The following H2BC18 variants were observed in gnomAD, a reference collection of about 807,000 sequenced individuals.
H2BC18 encodes H2B clustered histone 18, also known as histone H2B type 2-F.
Under a neutral mutation model 6.3 loss-of-function variants are expected in H2BC18, and 8 were observed. That is an observed-to-expected ratio of 1.28 (90% confidence interval 0.75 to 2.31). The LOEUF (loss-of-function observed/expected upper bound fraction) is 2.31. Ranked by LOEUF, H2BC18 falls within the 30% of genes most tolerant of loss-of-function variation. The pLI is 0.00. For missense variants in H2BC18, 106 were observed against 174.5 expected, an observed-to-expected ratio of 0.61 and a Z score of 2.21; for synonymous variants, 104 against 78.1, an observed-to-expected ratio of 1.33 and a Z score of -1.75.
chr1:149,811,703 G>T, downstream of H2BC18: 1 of 635,624 alleles, frequency 1.6e-6, no homozygotes, highest in Non-Finnish European at 2.7e-6. Context: ...TCGTAGCACA[G>T]ATAACAAGCA....
chr1:149,806,621 G>A (rs2091919962), intron 1 of H2BC18, among the ~76,000 whole-genome samples: 1 of 152,092 alleles, frequency 6.6e-6, no homozygotes, highest in South Asian at 2.1e-4. Context: ...ATGAGATAAG[G>A]AATACCAAGA....
chr1:149,802,737 G>A (rs2091885022), intron 1 of H2BC18, among the ~76,000 whole-genome samples: 1 of 152,148 alleles, frequency 6.6e-6, no homozygotes, highest in Non-Finnish European at 1.5e-5. Flanking sequence ...TGTGGCCTAA[G>A]GCCCAAAAGC....
chr1:149,810,170 C>T (rs1468635700), downstream of H2BC18, among the ~76,000 whole-genome samples: 2 of 152,074 alleles, frequency 1.3e-5, no homozygotes, highest in Non-Finnish European at 2.9e-5. Flanking sequence ...GGACCCTAAG[C>T]TAGGAGGAAA....
downstream of H2BC18, chr1:149,811,159 TCGA>T (rs2091968160): frequency 6.6e-6 from 1 of 151,560 alleles, no homozygotes; most frequent in Admixed American, 6.6e-5. Context: ...TCACCAAAGA[TCGA>T]CATTACAGGC....
intron 1 of H2BC18, among the ~76,000 whole-genome samples, chr1:149,795,977 A>C: frequency 6.6e-6 from 1 of 151,356 alleles, no homozygotes; most frequent in Non-Finnish European, 1.5e-5. Context: ...GATGTCACAC[A>C]CACACAAAGC....
At chr1:149,784,032 C>A (rs1283617164) in intron 1 of H2BC18, 32 of 1,609,094 alleles carry the variant, frequency 2.0e-5, no homozygotes, top group South Asian at 5.5e-5. Context: ...CACTTTGCAG[C>A]CTCCATGGGT....
At chr1:149,811,763 T>G (rs1250902118), downstream of H2BC18, 2 of 676,106 alleles carry the variant, frequency 3.0e-6, no homozygotes, top group African/African-American at 3.6e-5. Context: ...ATTACAGGAC[T>G]ACAGGAAACT....
chr1:149,790,894 T>A (rs1225028050), intron 1 of H2BC18, among the ~76,000 whole-genome samples: 1 of 152,100 alleles, frequency 6.6e-6, no homozygotes, highest in Admixed American at 6.5e-5. Context: ...AGAGGGATTG[T>A]GAGCTCTAGA....
chr1:149,792,532 T>C (rs1195058964), intron 1 of H2BC18: 3 of 1,159,846 alleles, frequency 2.6e-6, no homozygotes, highest in Admixed American at 7.6e-5. Context: ...AGCAACTTGA[T>C]TCTAGATTAT....
downstream of H2BC18, among the ~76,000 whole-genome samples, chr1:149,808,761 C>G (rs2091946637): frequency 6.6e-6 from 1 of 152,014 alleles, no homozygotes; most frequent in Non-Finnish European, 1.5e-5. Context: ...TATAGTTCAG[C>G]TATAGTTAAT....
At chr1:149,803,233 A>G (rs1429480159) in intron 1 of H2BC18, among the ~76,000 whole-genome samples, 2 of 152,166 alleles carry the variant, frequency 1.3e-5, no homozygotes, top group Non-Finnish European at 2.9e-5. Context: ...ATAATCCCAC[A>G]AACTAGAAAC....
At chr1:149,809,112 A>C (rs2091949336), downstream of H2BC18, among the ~76,000 whole-genome samples, 1 of 133,132 alleles carries the variant, frequency 7.5e-6, no homozygotes. Context: ...ACCCAGGCCA[A>C]GCCCATTTCT....
intron 1 of H2BC18, among the ~76,000 whole-genome samples, chr1:149,806,425 A>G (rs2091917484): frequency 1.3e-5 from 2 of 152,088 alleles, no homozygotes; most frequent in African/African-American, 4.8e-5. Context: ...CGTCTCTACT[A>G]AAAATACAAA....
At chr1:149,805,152 A>C (rs1485804771) in intron 1 of H2BC18, 1 of 152,208 alleles carries the variant, frequency 6.6e-6, no homozygotes, top group Admixed American at 6.5e-5. Flanking sequence ...ACAAAAAAAC[A>C]GGGAGATCTT....
chr1:149,793,560 G>A (rs1365259412), intron 1 of H2BC18, among the ~76,000 whole-genome samples: 1 of 152,006 alleles, frequency 6.6e-6, no homozygotes, highest in Non-Finnish European at 1.5e-5. Flanking sequence ...TAGAGGGGTG[G>A]TGGGGTGGAG....
intron 1 of H2BC18, among the ~76,000 whole-genome samples, chr1:149,806,415 C>T (rs587612695): frequency 2.0e-5 from 3 of 152,086 alleles, no homozygotes; most frequent in Non-Finnish European, 2.9e-5. Flanking sequence ...AGTGAAACCC[C>T]GTCTCTACTA....
intron 1 of H2BC18, among the ~76,000 whole-genome samples, chr1:149,805,091 C>T (rs624992): frequency 2.0e-4 from 31 of 152,302 alleles, no homozygotes; most frequent in East Asian, 9.7e-4. Flanking sequence ...TCTTCTGTAT[C>T]CATCTGGAGA....
At chr1:149,788,638 T>C (rs2091615041) in intron 1 of H2BC18, 2 of 1,613,798 alleles carry the variant, frequency 1.2e-6, no homozygotes, top group African/African-American at 2.7e-5. Context: ...GGAATAGTCA[T>C]AGAACTGATA....
In H2BC18 at chr1:149,789,329, C is replaced by T. The variant is rs2091638638; in HGVS notation, c.378-6069G>A. Among the ~76,000 whole-genome samples the T allele has an allele frequency of 4.6e-5, 7 of 152,182 alleles. No homozygotes were observed. The South Asian group carries it at 1.5e-3, about 32-fold the overall frequency. ...AATAGCATGAACCCGGGAAGCGGAG[C>T]TTGCAGTGAGCTGAGATAGCGCCAC... On this transcript the variant is annotated intron_variant, in intron 1 of 1. Coordinates refer to the H2BC18 transcript ENST00000545683.
Sources: gnomAD v4.1 joint callset for allele counts (sites outside exome capture counted in the v4.1 genomes callset) on GRCh38, gnomAD v4.1.1 for gene constraint, MANE v1.5 for transcripts, NCBI Gene and HGNC (gene_info 2026-07-23, HGNC 2026-07-21) for gene names.